The following LTBP1 variants were observed in gnomAD, a reference collection of about 807,000 sequenced individuals.
LTBP1 encodes latent transforming growth factor beta binding protein 1.
In LTBP1, 129 loss-of-function variants were observed where a neutral mutation model predicts 207.6. The ratio of observed to expected loss-of-function variants is 0.62; its 90% CI spans 0.54 to 0.72. The LOEUF is 0.72. Among genes scored for constraint, LTBP1 ranks in the 30% least tolerant of loss-of-function variants. The pLI is 0.00. For missense variants in LTBP1, 2,281 were observed against 2,217.2 expected, an observed-to-expected ratio of 1.03 and a Z score of -0.58; for synonymous variants, 963 against 833.7, an observed-to-expected ratio of 1.16 and a Z score of -2.67.
chr2:33,360,536 T>C (rs1490233386), intron 26 of LTBP1, 61 bp from the exon 27 acceptor site: 2 of 1,086,934 alleles, frequency 1.8e-6, no homozygotes, highest in East Asian at 4.8e-5. Flanking sequence ...CATTCTCTAC[T>C]TGTTGTCTTA....
chr2:33,148,573 C>G (rs1036402980), intron 5 of LTBP1, among the ~76,000 whole-genome samples: 2 of 152,204 alleles, frequency 1.3e-5, no homozygotes, highest in African/African-American at 2.4e-5. Context: ...TCACCTCACT[C>G]TGGCCTCTCC....
chr2:33,078,631 G>A (rs915986797), intron 3 of LTBP1, among the ~76,000 whole-genome samples: 5 of 152,030 alleles, frequency 3.3e-5, no homozygotes, highest in East Asian at 3.8e-4. Context: ...TATAATCCAG[G>A]CAGATTTTAT....
At chr2:33,184,539 G>C (rs1399077999) in intron 5 of LTBP1, among the ~76,000 whole-genome samples, 2 of 152,184 alleles carry the variant, frequency 1.3e-5, no homozygotes, top group African/African-American at 4.8e-5. Flanking sequence ...GATCTCTGCT[G>C]TGAAGTCTAT....
intron 3 of LTBP1, among the ~76,000 whole-genome samples, chr2:33,066,094 C>T (rs1477418387): frequency 6.6e-6 from 1 of 152,078 alleles, no homozygotes; most frequent in East Asian, 1.9e-4. Flanking sequence ...TGATATCTGT[C>T]TATATACCAA....
At chr2:33,119,893 C>G (rs2081004907) in intron 4 of LTBP1, among the ~76,000 whole-genome samples, 1 of 152,088 alleles carries the variant, frequency 6.6e-6, no homozygotes, top group Non-Finnish European at 1.5e-5. Context: ...TGTGACATTT[C>G]TTAAAAAGGG....
At chr2:33,119,607 A>G (rs1360288230) in intron 4 of LTBP1, among the ~76,000 whole-genome samples, 1 of 152,008 alleles carries the variant, frequency 6.6e-6, no homozygotes, top group Non-Finnish European at 1.5e-5. Context: ...CCCAGGCTGG[A>G]GTGGAGTGGT....
At chr2:33,233,845 T>A (rs181236407) in intron 9 of LTBP1, among the ~76,000 whole-genome samples, 84 of 152,232 alleles carry the variant, frequency 5.5e-4, no homozygotes, top group Middle Eastern at 6.8e-3. Context: ...TGCTAACTTT[T>A]TTTTTATTTT....
At chr2:33,242,330 A>G (rs529527996) in intron 9 of LTBP1, among the ~76,000 whole-genome samples, 1 of 152,284 alleles carries the variant, frequency 6.6e-6, no homozygotes, top group African/African-American at 2.4e-5. Flanking sequence ...TCTTTGTAAA[A>G]TCACTTCATT....
At position 33,315,216 on chromosome 2, in the gene LTBP1, A is replaced by T; in HGVS notation, c.3677A>T (p.His1226Leu). Residue 1226 changes from histidine (H) to leucine (L), a missense_variant, in exon 24 of 34, where the codon CAT becomes CTT. Around this residue, in one of 3 missense-constraint regions of LTBP1, gnomAD observed 1,671 missense variants for 1,634.8 expected, o/e 1.02. Coordinates refer to ENST00000404816, the MANE Select transcript of LTBP1 (RefSeq NM_206943.4). Reference sequence around the variant, plus strand: ...TGCCTAAACACAGAGGGTTCTTTCCATTGTGTCTGCCAGCAGGGTTTCTCA... The same window carrying T: ...TGCCTAAACACAGAGGGTTCTTTCCTTTGTGTCTGCCAGCAGGGTTTCTCA... ...GECLNTEGSF[H>L]CVCQQGFSIS... 1 of 1,613,788 alleles carries T rather than the reference A, an allele frequency of 6.2e-7. No individual in the cohort carries two copies. The highest frequency in any genetic ancestry group is 8.5e-7 in the Non-Finnish European group (1 of 1,179,900).
intron 7 of LTBP1, among the ~76,000 whole-genome samples, chr2:33,209,655 C>A (rs182297555): frequency 8.5e-5 from 13 of 152,276 alleles, no homozygotes; most frequent in African/African-American, 3.1e-4. Context: ...ATATCTTTTT[C>A]TTTTATTTCT....
At chr2:33,196,529 G>A (rs933582684) in intron 7 of LTBP1, among the ~76,000 whole-genome samples, 35 of 151,882 alleles carry the variant, frequency 2.3e-4, no homozygotes, top group African/African-American at 8.0e-4. Flanking sequence ...AAGAAGTCAA[G>A]TTGAAAAAAA....
At chr2:33,329,268 C>G (rs976048337) in intron 24 of LTBP1, among the ~76,000 whole-genome samples, 1 of 152,156 alleles carries the variant, frequency 6.6e-6, no homozygotes, top group Non-Finnish European at 1.5e-5. Context: ...ATATCTTTAA[C>G]AACTTATCAT....
intron 15 of LTBP1, among the ~76,000 whole-genome samples, chr2:33,271,897 ACC>A (rs764588682): frequency 3.6e-4 from 55 of 152,240 alleles, no homozygotes; most frequent in Non-Finnish European, 5.7e-4. Context: ...CATATTAATT[ACC>A]CATGTTTTTA....
intron 4 of LTBP1, among the ~76,000 whole-genome samples, chr2:33,132,523 C>G (rs905659122): frequency 1.3e-5 from 2 of 152,210 alleles, no homozygotes; most frequent in Non-Finnish European, 2.9e-5. Flanking sequence ...TTTTCGCCTA[C>G]AATCCTAATA....
intron 9 of LTBP1, among the ~76,000 whole-genome samples, chr2:33,224,224 A>T (rs950530672): frequency 2.0e-5 from 3 of 152,312 alleles, no homozygotes; most frequent in African/African-American, 7.2e-5. Flanking sequence ...TTTCATTTCA[A>T]GGTTGTTGGG....
rs189825726 is a variant in LTBP1, at chr2:33,368,066, G to T, written c.4711+2563G>T. 3.3e-5 allele frequency among the ~76,000 whole-genome samples: 5 copies of T among 152,188 alleles called. No homozygotes were observed. The East Asian group carries it at 9.7e-4, about 30-fold the overall frequency. ...CCTGTCTCTACTAAAAAATAGCCGG[G>T]CCTGGTGGCGCATGCCTGTAATCTC... On this transcript the variant is annotated intron_variant, in intron 31 of 33. Coordinates refer to ENST00000404816, the MANE Select transcript of LTBP1 (RefSeq NM_206943.4).
At chr2:33,152,346 C>G (rs933588403) in intron 5 of LTBP1, among the ~76,000 whole-genome samples, 1 of 152,078 alleles carries the variant, frequency 6.6e-6, no homozygotes, top group African/African-American at 2.4e-5. Flanking sequence ...CAGGGAAATG[C>G]AAATCAAAAC....
At chr2:33,079,949 T>A (rs2078303680) in intron 3 of LTBP1, among the ~76,000 whole-genome samples, 1 of 151,736 alleles carries the variant, frequency 6.6e-6, no homozygotes, top group Admixed American at 6.6e-5. Context: ...CTAAAAAACT[T>A]TAACTATGAC....
At chr2:33,184,907 C>G (rs1355814273) in intron 5 of LTBP1, among the ~76,000 whole-genome samples, 1 of 151,706 alleles carries the variant, frequency 6.6e-6, no homozygotes, top group Non-Finnish European at 1.5e-5. Flanking sequence ...AGTAGTCAGT[C>G]AGTTGTAATG....
Sources: allele counts gnomAD v4.1 joint callset (sites outside exome capture counted in the v4.1 genomes callset), GRCh38; gene constraint gnomAD v4.1.1; regional missense constraint gnomAD v4.1.1; transcripts MANE v1.5; gene names NCBI Gene and HGNC (gene_info 2026-07-23, HGNC 2026-07-21).